Variants in MLPH observed in about 807,000 individuals in gnomAD.
The protein encoded by MLPH is melanophilin, also known as exophilin-3.
In MLPH, 51 loss-of-function variants were observed where a neutral mutation model predicts 72.1. That is an observed-to-expected ratio of 0.71 (90% confidence interval 0.56 to 0.89). The LOEUF is 0.89. MLPH is among the 40% of genes least tolerant of loss of function. The pLI is 0.00. For synonymous variants in MLPH, 301 were observed against 310.1 expected, an observed-to-expected ratio of 0.97 and a Z score of 0.31; for missense variants, 743 against 759.9, an observed-to-expected ratio of 0.98 and a Z score of 0.26.
chr2:237,498,970 G>C (rs2079591689), intron 2 of MLPH, among the ~76,000 whole-genome samples: 1 of 151,860 alleles, frequency 6.6e-6, no homozygotes, highest in South Asian at 2.1e-4. Context: ...TGCTTGTCCT[G>C]GGTGTAACTT....
At chr2:237,506,008 C>T (rs1268721170) in intron 2 of MLPH, among the ~76,000 whole-genome samples, 3 of 152,242 alleles carry the variant, frequency 2.0e-5, no homozygotes, top group Non-Finnish European at 4.4e-5. Flanking sequence ...CATCATCTCC[C>T]CACTGTCTCC....
intron 5 of MLPH, 27 bp from the exon 6 acceptor site, chr2:237,519,883 G>A (rs1446866913): frequency 6.2e-7 from 1 of 1,613,906 alleles, no homozygotes; most frequent in East Asian, 2.2e-5. Context: ...CCTGACTTGA[G>A]TCTTGCCCTG....
At position 237,554,158 on chromosome 2, in the gene MLPH, C is replaced by A; in HGVS notation, c.*566C>A. The A allele has an allele frequency of 4.3e-6, 1 of 234,410 alleles. No individual in the cohort carries two copies. Among genetic ancestry groups the A allele is most frequent in the Non-Finnish European group, 8.5e-6 (1 of 117,322 alleles). The allele number at this position is 234,410 out of a possible 1,614,324, so 14.5% of individuals were successfully genotyped here. A position where few individuals can be genotyped will look rare whatever the true frequency, so the allele number is the denominator to read the frequency against. ...CCCCAGTCCCCACCCTACGTGCACC[C>A]GCTCTGCAAGTTCCCATGTGATCTG... On this transcript the variant is annotated 3_prime_UTR_variant, in exon 16 of 16. Transcript: ENST00000264605.
intron 5 of MLPH, 65 bp downstream of exon 5, chr2:237,518,713 G>C: frequency 7.6e-7 from 1 of 1,314,270 alleles, no homozygotes; most frequent in Non-Finnish European, 1.1e-6. Context: ...GGGACGTCAG[G>C]TTCTGATTTC....
chr2:237,490,329 A>G (rs965444742), intron 1 of MLPH, among the ~76,000 whole-genome samples: 2 of 144,062 alleles, frequency 1.4e-5, no homozygotes, highest in African/African-American at 5.3e-5. Flanking sequence ...ACCTCATCTA[A>G]AAAAAAAAAA....
intron 1 of MLPH, among the ~76,000 whole-genome samples, chr2:237,493,046 C>T (rs190446384): frequency 6.6e-6 from 1 of 152,188 alleles, no homozygotes; most frequent in Non-Finnish European, 1.5e-5. Flanking sequence ...GCATTTCTCC[C>T]AGGGTTTTCC....
chr2:237,536,120 G>T (rs2080525314), intron 9 of MLPH, among the ~76,000 whole-genome samples: 1 of 152,172 alleles, frequency 6.6e-6, no homozygotes, highest in African/African-American at 2.4e-5. Flanking sequence ...TGGGGCCAGG[G>T]CTCCGGAGAA....
chr2:237,513,319 G>A (rs2079947307), intron 4 of MLPH, among the ~76,000 whole-genome samples: 1 of 152,166 alleles, frequency 6.6e-6, no homozygotes, highest in South Asian at 2.1e-4. Flanking sequence ...GGCCAAGAAA[G>A]GAAGGGAAAA....
intron 6 of MLPH, among the ~76,000 whole-genome samples, chr2:237,523,211 T>A (rs1397177666): frequency 6.6e-6 from 1 of 152,178 alleles, no homozygotes; most frequent in African/African-American, 2.4e-5. Context: ...TCTTGGTCTG[T>A]GTATATAAAC....
chr2:237,523,440 C>T (rs1391053479), intron 6 of MLPH, among the ~76,000 whole-genome samples: 1 of 152,092 alleles, frequency 6.6e-6, no homozygotes, highest in Admixed American at 6.5e-5. Flanking sequence ...AACTCTAATC[C>T]TTTAAAAGCT....
chr2:237,493,577 G>A, intron 2 of MLPH, 41 bp downstream of exon 2: 1 of 1,511,538 alleles, frequency 6.6e-7, no homozygotes, highest in Non-Finnish European at 9.2e-7. Context: ...CGGGGTCCCT[G>A]ATCTTCCCCC....
chr2:237,496,215 T>A (rs1460023546), intron 2 of MLPH, among the ~76,000 whole-genome samples: 1 of 152,146 alleles, frequency 6.6e-6, no homozygotes, highest in Non-Finnish European at 1.5e-5. Flanking sequence ...TCTCATTGCC[T>A]GAGTATAGGC....
Position 237,546,664 on chromosome 2 carries a change from AC to A in MLPH, c.1601del (p.Pro534LeufsTer14). On this transcript the variant is annotated frameshift_variant, in exon 13 of 16. Transcript: ENST00000264605. LOFTEE classifies it high-confidence loss of function. ...AAGAGACCAGAGGACCCAAATGCAGACCCTTCAAGTGAGGCCAAGGTATGTG... is the reference window on the plus strand; with the variant it reads ...AAGAGACCAGAGGACCCAAATGCAGACCTTCAAGTGAGGCCAAGGTATGTG... ...LGKRPEDPNA[D>X]PSSEAKAMAV... 1 of 1,614,092 alleles carries A rather than the reference AC, an allele frequency of 6.2e-7. No individual in the cohort carries two copies. Among genetic ancestry groups the A allele is most frequent in the East Asian group, 2.2e-5 (1 of 44,874 alleles).
chr2:237,514,571 C>T (rs1252841611), intron 4 of MLPH, among the ~76,000 whole-genome samples: 3 of 152,096 alleles, frequency 2.0e-5, no homozygotes, highest in African/African-American at 7.2e-5. Flanking sequence ...GCCTGAGAGA[C>T]AAGAGGGCAG....
intron 1 of MLPH, among the ~76,000 whole-genome samples, chr2:237,487,845 G>T (rs970046596): frequency 6.6e-6 from 1 of 152,234 alleles, no homozygotes; most frequent in Non-Finnish European, 1.5e-5. Flanking sequence ...TGGTCTTGGG[G>T]TGAGGAAGAG....
intron 6 of MLPH, among the ~76,000 whole-genome samples, chr2:237,522,316 G>C (rs1452077933): frequency 1.1e-5 from 1 of 88,182 alleles, no homozygotes; most frequent in South Asian, 3.9e-4. Flanking sequence ...TGAGACTGGG[G>C]TTGGGCCTTC....
chr2:237,535,283 T>A (rs893984744), intron 9 of MLPH, among the ~76,000 whole-genome samples: 1 of 152,104 alleles, frequency 6.6e-6, no homozygotes, highest in East Asian at 1.9e-4. Flanking sequence ...AATTCATTCC[T>A]TCAATAATGA....
intron 8 of MLPH, among the ~76,000 whole-genome samples, chr2:237,530,058 G>T (rs927695859): frequency 6.6e-6 from 1 of 152,234 alleles, no homozygotes; most frequent in African/African-American, 2.4e-5. Context: ...GCTCTGCAGG[G>T]TCTAGGGCTT....
intron 2 of MLPH, among the ~76,000 whole-genome samples, chr2:237,506,159 G>A (rs902798584): frequency 6.6e-6 from 1 of 152,016 alleles, no homozygotes; most frequent in Non-Finnish European, 1.5e-5. Context: ...TATTCATATG[G>A]GTCATATCTA....
Sources: gnomAD v4.1 joint callset for allele counts (sites outside exome capture counted in the v4.1 genomes callset) on GRCh38, gnomAD v4.1.1 for gene constraint, MANE v1.5 for transcripts, NCBI Gene and HGNC (gene_info 2026-07-23, HGNC 2026-07-21) for gene names.